Variants in HS6ST3 observed in about 807,000 individuals in gnomAD.
HS6ST3 encodes the protein heparan sulfate 6-O-sulfotransferase 3.
A neutral mutation model predicts 36.7 loss-of-function variants in HS6ST3; 12 were observed. The observed-to-expected ratio is 0.33, with a 90% CI of 0.21 to 0.53. HS6ST3 has a LOEUF of 0.53. Among genes scored for constraint, HS6ST3 ranks in the 20% least tolerant of loss-of-function variants. The pLI, the probability that HS6ST3 is intolerant of heterozygous loss-of-function variation, is 0.95. For missense variants in HS6ST3, 584 were observed against 640.9 expected (o/e 0.91, Z 0.96); for synonymous variants, 240 against 257.5 (o/e 0.93, Z 0.65).
At chr13:96,384,846 A>G (rs1389451994) in intron 1 of HS6ST3, among the ~76,000 whole-genome samples, 1 of 152,198 alleles carries the variant, frequency 6.6e-6, no homozygotes, top group Admixed American at 6.5e-5. Context: ...TAAAGTGTTG[A>G]GGACTTGCTT....
At chr13:96,759,582 T>C (rs1876917356) in intron 1 of HS6ST3, among the ~76,000 whole-genome samples, 1 of 151,866 alleles carries the variant, frequency 6.6e-6, no homozygotes, top group Non-Finnish European at 1.5e-5. Flanking sequence ...CCCTATTCTT[T>C]GTGTTATTGT....
At chr13:96,182,668 T>C (rs112826584) in intron 1 of HS6ST3, among the ~76,000 whole-genome samples, 17 of 151,946 alleles carry the variant, frequency 1.1e-4, no homozygotes, top group African/African-American at 3.6e-4. Flanking sequence ...TCTTTGCAAT[T>C]GGCAGCAGAC....
chr13:96,210,698 A>G lies in HS6ST3; in HGVS notation c.707+119129A>G, dbSNP rs573914959. Among the ~76,000 whole-genome samples, 7 of 150,386 alleles carry G rather than the reference A, an allele frequency of 4.7e-5. No homozygotes were observed. In the South Asian group the frequency reaches 1.5e-3, roughly 31 times the overall value. On this transcript the variant is annotated intron_variant, in intron 1 of 1. Transcript: ENST00000376705. ...AACCTCTGCTTCCTGGGTTCAAGTGATTCCCCTGCCTCAGCCTTTCGAGTA... is the reference window on the plus strand; with the variant it reads ...AACCTCTGCTTCCTGGGTTCAAGTGGTTCCCCTGCCTCAGCCTTTCGAGTA...
chr13:96,823,123 C>T (rs1878571272), intron 1 of HS6ST3, among the ~76,000 whole-genome samples: 1 of 152,164 alleles, frequency 6.6e-6, no homozygotes, highest in South Asian at 2.1e-4. Context: ...CTCTCTGTGC[C>T]CCATGATGTC....
chr13:96,403,975 A>G (rs74106445), intron 1 of HS6ST3, among the ~76,000 whole-genome samples: 2,615 of 152,322 alleles, frequency 0.017, 83 homozygotes, highest in African/African-American at 0.057. Flanking sequence ...AGCTTTGAAT[A>G]TAAATGGGAA....
At chr13:96,633,268 C>T (rs946443669) in intron 1 of HS6ST3, among the ~76,000 whole-genome samples, 1 of 152,144 alleles carries the variant, frequency 6.6e-6, no homozygotes, top group Admixed American at 6.5e-5. Context: ...TGAAGAGCAA[C>T]TGCAGAAACA....
chr13:96,312,269 G>A (rs1000408585), intron 1 of HS6ST3, among the ~76,000 whole-genome samples: 1 of 151,986 alleles, frequency 6.6e-6, no homozygotes, highest in African/African-American at 2.4e-5. Context: ...TTTCCAATTT[G>A]CGTTATGGTT....
chr13:96,192,978 G>A (rs567160283), intron 1 of HS6ST3, among the ~76,000 whole-genome samples: 15 of 152,222 alleles, frequency 9.9e-5, no homozygotes, highest in Non-Finnish European at 2.2e-4. Context: ...AGAGATCTTG[G>A]ACTGTCTGTC....
chr13:96,835,606 C>G lies in HS6ST3; in HGVS notation c.*2408C>G, dbSNP rs890993156. 2 of 108,174 alleles carry G rather than the reference C, an allele frequency of 1.8e-5. No homozygotes were observed. The highest frequency in any genetic ancestry group is 5.3e-5 in the African/African-American group (2 of 37,436). The allele number at this position is 108,174 out of a possible 1,614,324, so 6.7% of individuals were successfully genotyped here. On this transcript the variant is annotated 3_prime_UTR_variant, in exon 2 of 2. Transcript: ENST00000376705. ...ATTATCCTTCTGCCTGCCCCTGTGA[C>G]ACACACACACACACACACACACACA...
intron 1 of HS6ST3, among the ~76,000 whole-genome samples, chr13:96,246,650 TTCC>T (rs2054586161): frequency 6.6e-6 from 1 of 152,206 alleles, no homozygotes; most frequent in South Asian, 2.1e-4. Flanking sequence ...CAGTGTTTGT[TTCC>T]TTTTTTGTGT....
chr13:96,118,010 C>T (rs975893316), intron 1 of HS6ST3, among the ~76,000 whole-genome samples: 1 of 151,970 alleles, frequency 6.6e-6, no homozygotes, highest in African/African-American at 2.4e-5. Flanking sequence ...GCTGGGATTA[C>T]AGGTGTGTAC....
chr13:96,646,371 CAG>C (rs1168955792), intron 1 of HS6ST3, among the ~76,000 whole-genome samples: 2 of 151,936 alleles, frequency 1.3e-5, no homozygotes, highest in East Asian at 1.9e-4. Flanking sequence ...CCTGAGTGAA[CAG>C]AGTCATCCAA....
intron 1 of HS6ST3, among the ~76,000 whole-genome samples, chr13:96,200,794 C>T (rs866217219): frequency 3.9e-5 from 6 of 151,938 alleles, no homozygotes; most frequent in South Asian, 2.1e-4. Flanking sequence ...ATTCAGAATG[C>T]CTCTCATTTC....
In HS6ST3 at chr13:96,668,131, AC is replaced by A. The variant is rs147572613; in HGVS notation, c.708-164358del. 6.5e-3 allele frequency among the ~76,000 whole-genome samples: 984 copies of A among 152,060 alleles called. 7 individuals are homozygous for A. Among genetic ancestry groups the A allele is most frequent in the African/African-American group, 0.022 (929 of 41,472 alleles). On this transcript the variant is annotated intron_variant, in intron 1 of 1. Transcript: ENST00000376705. The stretch of plus-strand genomic sequence containing the variant: ...TAATGCCCATTTTGCAGATGAAAAA[AC>A]TGAGGCACAGAGAGGTCTCTCTCTC...
At chr13:96,727,515 A>G (rs1417685553) in intron 1 of HS6ST3, among the ~76,000 whole-genome samples, 2 of 152,136 alleles carry the variant, frequency 1.3e-5, no homozygotes, top group Non-Finnish European at 2.9e-5. Flanking sequence ...CTCTGCTCCA[A>G]AGCCAAAAGT....
chr13:96,462,339 G>C (rs1043987426), intron 1 of HS6ST3, among the ~76,000 whole-genome samples: 1 of 152,104 alleles, frequency 6.6e-6, no homozygotes, highest in African/African-American at 2.4e-5. Context: ...CCAAAGTGTT[G>C]GGTTTACAGG....
At chr13:96,256,359 AT>A (rs2054637560) in intron 1 of HS6ST3, among the ~76,000 whole-genome samples, 1 of 152,222 alleles carries the variant, frequency 6.6e-6, no homozygotes, top group African/African-American at 2.4e-5. Context: ...ACAGTGTCCG[AT>A]TTATTAATTT....
At position 96,150,888 on chromosome 13, in the gene HS6ST3, A is replaced by C; in HGVS notation, c.707+59319A>C. Among the ~76,000 whole-genome samples, 2 of 152,344 alleles carry C rather than the reference A, an allele frequency of 1.3e-5. 1 individual carries two copies. Among genetic ancestry groups the C allele is most frequent in the South Asian group, 4.1e-4 (2 of 4,828 alleles). ...ACTATATAACTGTATATAATGTATA[A>C]CATAATATATAATGTGAATAAACAT... On this transcript the variant is annotated intron_variant, in intron 1 of 1. Transcript: ENST00000376705.
At chr13:96,399,863 A>G (rs922771614) in intron 1 of HS6ST3, among the ~76,000 whole-genome samples, 13 of 152,372 alleles carry the variant, frequency 8.5e-5, no homozygotes, top group African/African-American at 2.9e-4. Flanking sequence ...CATAATGCCT[A>G]CATTATAAGT....
Sources: gnomAD v4.1 joint callset for allele counts (sites outside exome capture counted in the v4.1 genomes callset) on GRCh38, gnomAD v4.1.1 for gene constraint, MANE v1.5 for transcripts, NCBI Gene and HGNC (gene_info 2026-07-23, HGNC 2026-07-21) for gene names.